The following CMTM8 variants were observed in gnomAD, a reference collection of about 807,000 sequenced individuals.
CMTM8 encodes CKLF-like MARVEL transmembrane domain-containing protein 8.
Under a neutral mutation model 18.6 loss-of-function variants are expected in CMTM8, and 12 were observed. That is an observed-to-expected ratio of 0.65 (90% CI 0.41 to 1.05). CMTM8 has a LOEUF of 1.05. Among genes scored for constraint, CMTM8 ranks in the 50% least tolerant of loss-of-function variants. The pLI, the probability that CMTM8 is intolerant of heterozygous loss-of-function variation, is 0.00. For synonymous variants in CMTM8, 87 were observed against 90.6 expected, an observed-to-expected ratio of 0.96 and a Z score of 0.23; for missense variants, 217 against 227.2, an observed-to-expected ratio of 0.95 and a Z score of 0.29.
chr3:32,368,463 T>TG (rs1452709322), intron 3 of CMTM8, among the ~76,000 whole-genome samples: 1 of 150,862 alleles, frequency 6.6e-6, no homozygotes, highest in African/African-American at 2.4e-5. Context: ...TCTATTTTTT[T>TG]TTTTTTTTTT....
At chr3:32,334,543 T>C (rs1310839305) in intron 1 of CMTM8, among the ~76,000 whole-genome samples, 1 of 151,482 alleles carries the variant, frequency 6.6e-6, no homozygotes, top group African/African-American at 2.4e-5. Flanking sequence ...GAGGCAGAGC[T>C]TGTAGTGAGC....
intron 2 of CMTM8, among the ~76,000 whole-genome samples, chr3:32,364,280 G>A (rs1328175735): frequency 1.3e-5 from 2 of 152,198 alleles, no homozygotes; most frequent in Non-Finnish European, 2.9e-5. Context: ...TGAGGCGGGT[G>A]GATCATGAAG....
At chr3:32,247,385 T>C (rs1702052718) in intron 1 of CMTM8, among the ~76,000 whole-genome samples, 1 of 152,162 alleles carries the variant, frequency 6.6e-6, no homozygotes, top group South Asian at 2.1e-4. Context: ...CAATCTCAGC[T>C]CACTGCAACT....
At chr3:32,355,889 G>A (rs1485014726) in intron 1 of CMTM8, among the ~76,000 whole-genome samples, 1 of 152,196 alleles carries the variant, frequency 6.6e-6, no homozygotes, top group Non-Finnish European at 1.5e-5. Flanking sequence ...TGTCTCGCTA[G>A]TGCTTTCAGC....
chr3:32,239,952 G>T (rs1701924983), intron 1 of CMTM8, among the ~76,000 whole-genome samples: 1 of 152,222 alleles, frequency 6.6e-6, no homozygotes, highest in African/African-American at 2.4e-5. Flanking sequence ...TCACACCGGT[G>T]GATGGTGAAG....
chr3:32,300,984 T>C (rs936985691), intron 1 of CMTM8, among the ~76,000 whole-genome samples: 8 of 152,010 alleles, frequency 5.3e-5, no homozygotes, highest in African/African-American at 1.9e-4. Flanking sequence ...AATCTTTTAA[T>C]TTTTTTCAAC....
chr3:32,301,463 A>G (rs1364773815), intron 1 of CMTM8, among the ~76,000 whole-genome samples: 1 of 152,210 alleles, frequency 6.6e-6, no homozygotes, highest in Admixed American at 6.5e-5. Flanking sequence ...GGGCAATTAA[A>G]TAATCATTCA....
intron 1 of CMTM8, among the ~76,000 whole-genome samples, chr3:32,255,094 A>G (rs1248323555): frequency 6.6e-6 from 1 of 152,150 alleles, no homozygotes; most frequent in Non-Finnish European, 1.5e-5. Context: ...GGCATGTATC[A>G]GTATTTCATT....
intron 1 of CMTM8, among the ~76,000 whole-genome samples, chr3:32,296,711 T>C (rs564149929): frequency 3.3e-5 from 5 of 152,324 alleles, no homozygotes; most frequent in Admixed American, 2.6e-4. Flanking sequence ...CTTAGGGTTG[T>C]GTAATGTGCC....
At chr3:32,350,713 C>T (rs1378611695) in intron 1 of CMTM8, among the ~76,000 whole-genome samples, 2 of 152,058 alleles carry the variant, frequency 1.3e-5, no homozygotes, top group Admixed American at 1.3e-4. Context: ...TTAGTAGAGA[C>T]GGGGTTTCAC....
intron 1 of CMTM8, among the ~76,000 whole-genome samples, chr3:32,311,525 G>A (rs1695818901): frequency 6.6e-6 from 1 of 152,156 alleles, no homozygotes; most frequent in East Asian, 1.9e-4. Context: ...TTTCACCTTT[G>A]TGGACCCTTG....
intron 1 of CMTM8, among the ~76,000 whole-genome samples, chr3:32,282,148 T>C (rs1702618116): frequency 1.3e-5 from 2 of 152,256 alleles, no homozygotes; most frequent in South Asian, 4.1e-4. Context: ...AGGCTAAGTA[T>C]CAGTTTTGGG....
At chr3:32,262,177 C>G (rs1286099985) in intron 1 of CMTM8, among the ~76,000 whole-genome samples, 1 of 152,164 alleles carries the variant, frequency 6.6e-6, no homozygotes, top group Non-Finnish European at 1.5e-5. Flanking sequence ...TGACTTGCCT[C>G]TCAACACCAC....
chr3:32,352,136 C>T (rs559933698), intron 1 of CMTM8, among the ~76,000 whole-genome samples: 1 of 149,236 alleles, frequency 6.7e-6, no homozygotes, highest in African/African-American at 2.5e-5. Context: ...CAAGATCACA[C>T]CACTGCACTC....
intron 1 of CMTM8, among the ~76,000 whole-genome samples, chr3:32,307,009 C>G (rs1383013307): frequency 6.6e-6 from 1 of 152,038 alleles, no homozygotes; most frequent in Non-Finnish European, 1.5e-5. Context: ...GAGTTTGAGA[C>G]CAGCCTGGCC....
intron 1 of CMTM8, among the ~76,000 whole-genome samples, chr3:32,265,327 A>G (rs776681363): frequency 2.0e-5 from 3 of 152,216 alleles, no homozygotes; most frequent in Non-Finnish European, 4.4e-5. Flanking sequence ...CTACATGGAA[A>G]CTGAACAACC....
chr3:32,271,029 A>T (rs1441567380), intron 1 of CMTM8, among the ~76,000 whole-genome samples: 1 of 152,220 alleles, frequency 6.6e-6, no homozygotes, highest in Non-Finnish European at 1.5e-5. Flanking sequence ...AAATAAAATC[A>T]TACAGAAAAA....
chr3:32,316,826 G>A (rs17029207), intron 1 of CMTM8, among the ~76,000 whole-genome samples: 15,634 of 152,182 alleles, frequency 0.1, 831 homozygotes, highest in Middle Eastern at 0.14. Flanking sequence ...TACATGGCAG[G>A]ATCAAATCCC....
At chr3:32,286,702 AAAG>A (rs923820280) in intron 1 of CMTM8, among the ~76,000 whole-genome samples, 4 of 152,198 alleles carry the variant, frequency 2.6e-5, no homozygotes, top group African/African-American at 4.8e-5. Context: ...GGCCACACTG[AAAG>A]AAGAAGAATT....
Sources: allele counts gnomAD v4.1 joint callset (sites outside exome capture counted in the v4.1 genomes callset), GRCh38; gene constraint gnomAD v4.1.1; transcripts MANE v1.5; gene names NCBI Gene and HGNC (gene_info 2026-07-23, HGNC 2026-07-21).